Variants in ZFHX3 observed in about 807,000 individuals in gnomAD.
ZFHX3 encodes the protein zinc finger homeobox protein 3.
ZFHX3 carries 42 observed loss-of-function variants against 279.1 expected under a neutral mutation model. The ratio of observed to expected loss-of-function variants is 0.15; its 90% CI spans 0.12 to 0.19. The LOEUF (loss-of-function observed/expected upper bound fraction) is 0.19. ZFHX3 is among the 10% of genes least tolerant of loss of function. The pLI, the probability that ZFHX3 is intolerant of heterozygous loss-of-function variation, is 1.00. For synonymous variants in ZFHX3, 2,293 were observed against 1,957.8 expected, an observed-to-expected ratio of 1.17 and a Z score of -4.52; for missense variants, 4,981 against 4,754.0, an observed-to-expected ratio of 1.05 and a Z score of -1.40.
intron 2 of ZFHX3, among the ~76,000 whole-genome samples, chr16:73,563,212 G>GTGTA: frequency 1.4e-5 from 1 of 72,102 alleles, no homozygotes; most frequent in South Asian, 3.7e-4. Flanking sequence ...GTGTGTGTGT[G>GTGTA]TGTGTGTGTG....
chr16:72,872,861 G>A (rs2038197923), intron 4 of ZFHX3, among the ~76,000 whole-genome samples: 1 of 152,220 alleles, frequency 6.6e-6, no homozygotes, highest in South Asian at 2.1e-4. Flanking sequence ...CCGAAAGATG[G>A]AAGAAAATGG....
chr16:73,505,238 G>A (rs1021855596), intron 2 of ZFHX3, among the ~76,000 whole-genome samples: 1 of 152,020 alleles, frequency 6.6e-6, no homozygotes, highest in African/African-American at 2.4e-5. Flanking sequence ...TATCCTCCCC[G>A]CTCTGCTGTC....
At chr16:73,241,069 G>C (rs1294532069) in intron 5 of ZFHX3, among the ~76,000 whole-genome samples, 2 of 152,180 alleles carry the variant, frequency 1.3e-5, no homozygotes, top group African/African-American at 4.8e-5. Flanking sequence ...GCCAGGAGAG[G>C]CAAAGACTAG....
chr16:73,741,772 A>G (rs949775649), intron 1 of ZFHX3, among the ~76,000 whole-genome samples: 15 of 152,342 alleles, frequency 9.8e-5, no homozygotes, highest in Admixed American at 9.8e-4. Context: ...CACAAACAAC[A>G]TAAATTGGAA....
intron 4 of ZFHX3, among the ~76,000 whole-genome samples, chr16:73,309,175 C>G (rs1017582411): frequency 6.6e-6 from 1 of 152,142 alleles, no homozygotes; most frequent in Non-Finnish European, 1.5e-5. Flanking sequence ...ATTTTGTCAT[C>G]TGAGTACTAA....
chr16:73,567,866 A>G (rs574826380), intron 2 of ZFHX3, among the ~76,000 whole-genome samples: 1 of 143,132 alleles, frequency 7.0e-6, no homozygotes, highest in East Asian at 1.9e-4. Context: ...GCTAATTGAA[A>G]GATTTTTTTT....
intron 2 of ZFHX3, among the ~76,000 whole-genome samples, chr16:73,521,232 T>G (rs1375002904): frequency 6.6e-6 from 1 of 152,204 alleles, no homozygotes; most frequent in Non-Finnish European, 1.5e-5. Context: ...TTCAAAAGGT[T>G]CTGCCACTTT....
intron 1 of ZFHX3, among the ~76,000 whole-genome samples, chr16:73,865,075 G>A (rs1356424710): frequency 6.6e-6 from 1 of 152,190 alleles, no homozygotes; most frequent in Non-Finnish European, 1.5e-5. Context: ...ATGCACAAGA[G>A]ATGACATGAA....
chr16:73,035,520 C>A (rs1342151933), intron 1 of ZFHX3, among the ~76,000 whole-genome samples: 1 of 152,200 alleles, frequency 6.6e-6, no homozygotes, highest in Non-Finnish European at 1.5e-5. Flanking sequence ...TAGTATCCAA[C>A]AACTCACTGC....
intron 4 of ZFHX3, among the ~76,000 whole-genome samples, chr16:73,306,866 G>A (rs1268298834): frequency 1.3e-5 from 2 of 152,154 alleles, no homozygotes; most frequent in Non-Finnish European, 2.9e-5. Flanking sequence ...AGCCTCCTGG[G>A]GCAGTGTGAT....
chr16:73,513,061 A>C (rs1056165702), intron 2 of ZFHX3, among the ~76,000 whole-genome samples: 3 of 152,202 alleles, frequency 2.0e-5, no homozygotes, highest in Non-Finnish European at 4.4e-5. Context: ...GTGGTACATA[A>C]TCACTCAAGG....
intron 3 of ZFHX3, among the ~76,000 whole-genome samples, chr16:73,393,817 T>A (rs988031798): frequency 3.7e-4 from 56 of 151,516 alleles, no homozygotes; most frequent in Admixed American, 2.0e-4. Flanking sequence ...ATTAAGAACA[T>A]TAATTCTTTA....
chr16:73,719,663 C>T (rs2053454777), intron 1 of ZFHX3, among the ~76,000 whole-genome samples: 1 of 151,926 alleles, frequency 6.6e-6, no homozygotes, highest in Non-Finnish European at 1.5e-5. Flanking sequence ...ATTTTTTGCT[C>T]TTATTGCCCA....
intron 1 of ZFHX3, among the ~76,000 whole-genome samples, chr16:72,983,329 G>C (rs11075956): frequency 0.26 from 39,212 of 152,194 alleles, 5,549 homozygotes; most frequent in Admixed American, 0.33. Context: ...GGTGGGGGCA[G>C]AGTGAGTAGA....
At chr16:73,621,077 G>C (rs1399679557) in intron 2 of ZFHX3, among the ~76,000 whole-genome samples, 7 of 152,190 alleles carry the variant, frequency 4.6e-5, no homozygotes, top group Admixed American at 2.6e-4. Context: ...TAGTGGTCTA[G>C]CACCAACGGC....
At chr16:73,414,151 T>C (rs2017525163) in intron 3 of ZFHX3, among the ~76,000 whole-genome samples, 1 of 152,234 alleles carries the variant, frequency 6.6e-6, no homozygotes, top group Non-Finnish European at 1.5e-5. Context: ...TACAAAGTAG[T>C]ATATAAACTT....
At chr16:73,018,938 A>C (rs2144644573) in intron 1 of ZFHX3, among the ~76,000 whole-genome samples, 1 of 152,270 alleles carries the variant, frequency 6.6e-6, no homozygotes, top group South Asian at 2.1e-4. Context: ...GGTTCCGCTA[A>C]GACTCTGACC....
intron 4 of ZFHX3, among the ~76,000 whole-genome samples, chr16:72,880,335 G>A (rs2038429049): frequency 6.6e-6 from 1 of 152,190 alleles, no homozygotes; most frequent in African/African-American, 2.4e-5. Context: ...AGTACCTGAG[G>A]ATGTAGCTAT....
intron 4 of ZFHX3, among the ~76,000 whole-genome samples, chr16:72,883,800 G>A (rs982560878): frequency 9.9e-5 from 15 of 152,086 alleles, no homozygotes; most frequent in African/African-American, 3.4e-4. Flanking sequence ...ACCCCCATTT[G>A]TTTTGATGCA....
Sources: allele counts gnomAD v4.1 joint callset (sites outside exome capture counted in the v4.1 genomes callset), GRCh38; gene constraint gnomAD v4.1.1; transcripts MANE v1.5; gene names NCBI Gene and HGNC (gene_info 2026-07-23, HGNC 2026-07-21).